Variants in KLHL5 observed in about 807,000 individuals in gnomAD.
The protein encoded by KLHL5 is kelch like family member 5, also known as kelch-like protein 5.
Under a neutral mutation model 77.7 loss-of-function variants are expected in KLHL5, and 48 were observed. That is an observed-to-expected ratio of 0.62 (90% CI 0.49 to 0.79). KLHL5 has a LOEUF of 0.79. KLHL5 is among the 30% of genes least tolerant of loss of function. The pLI is 0.00. For missense variants in KLHL5, 723 were observed against 859.7 expected, an observed-to-expected ratio of 0.84 and a Z score of 1.99; for synonymous variants, 260 against 297.0, an observed-to-expected ratio of 0.88 and a Z score of 1.28.
In KLHL5 at chr4:39,125,971, G is replaced by T. The variant is rs1049428529; in HGVS notation, c.*4905G>T. On this transcript the variant is annotated 3_prime_UTR_variant, in exon 11 of 11. Coordinates refer to ENST00000504108, the MANE Select transcript of KLHL5 (RefSeq NM_015990.5). The stretch of plus-strand genomic sequence containing the variant: ...GAAGAGAAATTTTTCACTGTAATTT[G>T]CAAATAAATGAATTTCTAAAAATCT... Among the ~76,000 whole-genome samples, 5 of 152,080 alleles carry T rather than the reference G, an allele frequency of 3.3e-5. No individual in the cohort carries two copies. The highest frequency in any genetic ancestry group is 1.3e-4 in the Admixed American group (2 of 15,280).
intron 1 of KLHL5, among the ~76,000 whole-genome samples, chr4:39,073,854 G>A (rs1718741922): frequency 6.7e-6 from 1 of 149,766 alleles, no homozygotes; most frequent in African/African-American, 2.4e-5. Flanking sequence ...TTTTAGTAGA[G>A]ACGGGGTTTC....
chr4:39,142,987 TGTG>T, the KLHL5 span, among the ~76,000 whole-genome samples: 27 of 152,074 alleles, frequency 1.8e-4, no homozygotes, highest in Non-Finnish European at 2.9e-4. Context: ...GTCTCTTGAT[TGTG>T]GTGGTGGTTA....
the KLHL5 span, among the ~76,000 whole-genome samples, chr4:39,132,277 C>T: frequency 3.9e-5 from 6 of 152,192 alleles, no homozygotes; most frequent in Non-Finnish European, 7.3e-5. Flanking sequence ...AAAAAGGAAT[C>T]TGAATAATCC....
intron 5 of KLHL5, among the ~76,000 whole-genome samples, chr4:39,089,043 TTTTATTTTATTTCAG>T: frequency 6.6e-6 from 1 of 152,266 alleles, no homozygotes; most frequent in Non-Finnish European, 1.5e-5. Context: ...ATTTCAGAAA[TTTTATTTTATTTCAG>T]AAAGATTACT....
At chr4:39,050,485 C>T (rs2109243787) in intron 1 of KLHL5, among the ~76,000 whole-genome samples, 1 of 152,324 alleles carries the variant, frequency 6.6e-6, no homozygotes. Context: ...TCTCTCTGCA[C>T]ATGTATTTCT....
Position 39,115,291 on chromosome 4 carries a change from T to C in KLHL5, c.2034T>C (p.Thr678=), listed in dbSNP as rs3733276. Residue 678 remains threonine, a synonymous_variant, in exon 10 of 11, where the codon ACT becomes ACC. Transcript: ENST00000504108. ...ATGATGGACAGGCATACCTTAATAC[T>C]GTGGAGGCTTATGATCCCCAGACAA... The part of the protein sequence containing the change: ...GGYDGQAYLN[T]VEAYDPQTNE... The C allele has an allele frequency of 0.57, 921,384 of 1,613,042 alleles. 265,562 individuals carry two copies. Among genetic ancestry groups the C allele is most frequent in the Admixed American group, 0.62 (37,424 of 59,962 alleles).
intron 4 of KLHL5, 94 bp from the exon 5 acceptor site, chr4:39,086,421 T>C (rs1006773275): frequency 3.3e-6 from 3 of 896,984 alleles, no homozygotes; most frequent in Non-Finnish European, 3.6e-6. Flanking sequence ...AAATTGTGTG[T>C]TGGTAGCTAA....
upstream of KLHL5, chr4:39,045,010 GCCGGCC>G: frequency 1.0e-6 from 1 of 993,968 alleles, no homozygotes; most frequent in Non-Finnish European, 1.2e-6. Context: ...CACTCAGCTC[GCCGGCC>G]CCGGCCCCCG....
chr4:39,069,108 T>C (rs908327958), intron 1 of KLHL5, among the ~76,000 whole-genome samples: 2 of 152,162 alleles, frequency 1.3e-5, no homozygotes, highest in Non-Finnish European at 2.9e-5. Flanking sequence ...GATTGAAGCT[T>C]ACTCAGCTGT....
At chr4:39,067,622 A>T (rs1030023119) in intron 1 of KLHL5, among the ~76,000 whole-genome samples, 1 of 151,610 alleles carries the variant, frequency 6.6e-6, no homozygotes, top group Non-Finnish European at 1.5e-5. Context: ...AGTTCTTGAG[A>T]ATGCCAAGCT....
chr4:39,123,749 C>T lies in KLHL5; in HGVS notation c.*2683C>T, dbSNP rs1723359219. ...GACATCCATAAAAACCCACAGCTAA[C>T]AACATAATAGCAAAACATTGAAAAT... On this transcript the variant is annotated 3_prime_UTR_variant, in exon 11 of 11. Transcript: ENST00000504108. Among the ~76,000 whole-genome samples the T allele has an allele frequency of 6.6e-6, 1 of 152,104 alleles. No homozygotes were observed. Among genetic ancestry groups the T allele is most frequent in the African/African-American group, 2.4e-5 (1 of 41,426 alleles).
chr4:39,082,831 G>A (rs1456220148), intron 4 of KLHL5, among the ~76,000 whole-genome samples: 1 of 152,152 alleles, frequency 6.6e-6, no homozygotes, highest in East Asian at 1.9e-4. Flanking sequence ...GGCATGTTGA[G>A]AGCATAGTGT....
At chr4:39,141,495 T>G in the KLHL5 span, among the ~76,000 whole-genome samples, 1 of 151,970 alleles carries the variant, frequency 6.6e-6, no homozygotes, top group African/African-American at 2.4e-5. Flanking sequence ...GTATTTTTAG[T>G]AGAGACGGAA....
chr4:39,140,398 T>C, the KLHL5 span, among the ~76,000 whole-genome samples: 1 of 152,196 alleles, frequency 6.6e-6, no homozygotes, highest in Non-Finnish European at 1.5e-5. Context: ...TGTATTATGG[T>C]TTTATAGATA....
chr4:39,080,245 G>A (rs190875591), intron 2 of KLHL5, among the ~76,000 whole-genome samples: 160 of 152,078 alleles, frequency 1.1e-3, no homozygotes, highest in African/African-American at 3.5e-3. Context: ...TCAAAAATAC[G>A]GCCAGGTGCT....
chr4:39,111,926 G>A (rs952044259), intron 8 of KLHL5, among the ~76,000 whole-genome samples: 1 of 152,044 alleles, frequency 6.6e-6, no homozygotes, highest in South Asian at 2.1e-4. Context: ...AATAACTAGA[G>A]TTTTAATTGG....
intron 1 of KLHL5, chr4:39,063,422 A>G (rs563711015): frequency 1.5e-4 from 38 of 255,620 alleles, no homozygotes; most frequent in African/African-American, 8.1e-4. Flanking sequence ...ATTTTAGTTT[A>G]TAACAGATGA....
chr4:39,062,394 G>A lies in KLHL5; in HGVS notation c.-259G>A, dbSNP rs1253323274. The A allele has an allele frequency of 6.8e-7, 1 of 1,460,368 alleles. No homozygotes were observed. The highest frequency in any genetic ancestry group is 9.0e-7 in the Non-Finnish European group (1 of 1,113,858). 90.5% of individuals were successfully genotyped at this position (1,460,368 alleles called of 1,614,324 possible). On this transcript the variant is annotated 5_prime_UTR_variant, in exon 1 of 11. Coordinates refer to ENST00000504108, the MANE Select transcript of KLHL5 (RefSeq NM_015990.5). ...CGGGAAAGTGGTCTAGCTGCTTCAG[G>A]ATAGGTGGATGAGAGTTTGCTCTGA...
Position 39,115,240 on chromosome 4 carries a change from T to A in KLHL5, c.1983T>A (p.Gly661=), listed in dbSNP as rs180822198. ...ATGCAGTGGGGGTCTGTTTACTTGG[T>A]GATAAGTTATATGCTGTTGGGGGGT... ...SRDAVGVCLL[G]DKLYAVGGYD... Residue 661 remains glycine (G), a synonymous_variant, in exon 10 of 11, where the codon GGT becomes GGA. Coordinates refer to ENST00000504108, the MANE Select transcript of KLHL5 (RefSeq NM_015990.5). 127 of 1,614,030 alleles carry A rather than the reference T, an allele frequency of 7.9e-5. No individual in the cohort carries two copies. The Admixed American group carries it at 2.1e-3, about 27-fold the overall frequency.
Sources: gnomAD v4.1 joint callset for allele counts (sites outside exome capture counted in the v4.1 genomes callset) on GRCh38, gnomAD v4.1.1 for gene constraint, MANE v1.5 for transcripts, NCBI Gene and HGNC (gene_info 2026-07-23, HGNC 2026-07-21) for gene names.